CSMD1: variants seen among roughly 807,000 people sequenced by gnomAD.
CSMD1 encodes the protein CUB and sushi domain-containing protein 1.
In CSMD1, 213 loss-of-function variants were observed where a neutral mutation model predicts 417.5. That is an observed-to-expected ratio of 0.51 (90% confidence interval 0.46 to 0.57). The LOEUF (loss-of-function observed/expected upper bound fraction) is 0.57, where lower values mean the gene tolerates loss of function less well. CSMD1 is among the 20% of genes least tolerant of loss of function. The pLI, the probability that CSMD1 is intolerant of heterozygous loss-of-function variation, is 0.00. For missense variants in CSMD1, 6,923 were observed against 4,529.7 expected (o/e 1.53, Z -15.17); for synonymous variants, 2,862 against 1,736.8 (o/e 1.65, Z -16.11).
At chr8:3,566,010 C>T (rs1799689684) in intron 10 of CSMD1, among the ~76,000 whole-genome samples, 1 of 152,148 alleles carries the variant, frequency 6.6e-6, no homozygotes. Context: ...ACCCCATTTC[C>T]TTTGAGAATA....
At chr8:4,966,733 A>G (rs866309443) in intron 1 of CSMD1, among the ~76,000 whole-genome samples, 1 of 152,354 alleles carries the variant, frequency 6.6e-6, no homozygotes, top group Middle Eastern at 3.4e-3. Flanking sequence ...ACTAAAAAGG[A>G]CTATAAAATT....
At chr8:4,519,415 T>G (rs534984405) in intron 2 of CSMD1, among the ~76,000 whole-genome samples, 2 of 151,834 alleles carry the variant, frequency 1.3e-5, no homozygotes, top group African/African-American at 4.8e-5. Flanking sequence ...AATTAATATA[T>G]GTATAAAAAT....
intron 8 of CSMD1, among the ~76,000 whole-genome samples, chr8:3,592,230 C>G (rs1055827999): frequency 1.7e-4 from 26 of 151,680 alleles, no homozygotes; most frequent in Admixed American, 7.2e-4. Context: ...TAGATAGATA[C>G]ATAGATGGAT....
chr8:3,679,831 C>A lies in CSMD1; in HGVS notation c.1009+28583G>T, dbSNP rs1022112412. On this transcript the variant is annotated intron_variant, in intron 7 of 69. Coordinates refer to ENST00000635120, the MANE Select transcript of CSMD1 (RefSeq NM_033225.6). The stretch of plus-strand genomic sequence containing the variant: ...GTAAAAGAAGCGAAATTATAACAAA[C>A]TGTATCTCAGACCACAGTGCAATCA... 1.2e-4 allele frequency among the ~76,000 whole-genome samples: 18 copies of A among 152,156 alleles called. 1 individual carries two copies. The highest frequency in any genetic ancestry group is 1.1e-3 in the Admixed American group (17 of 15,264).
At chr8:3,732,793 G>C (rs1367462775) in intron 6 of CSMD1, among the ~76,000 whole-genome samples, 4 of 152,160 alleles carry the variant, frequency 2.6e-5, no homozygotes, top group Non-Finnish European at 4.4e-5. Flanking sequence ...CCCACTGAGT[G>C]ATTCCGTTTC....
At chr8:3,149,304 T>C (rs1487519782) in intron 40 of CSMD1, among the ~76,000 whole-genome samples, 1 of 152,254 alleles carries the variant, frequency 6.6e-6, no homozygotes, top group African/African-American at 2.4e-5. Flanking sequence ...AATTTTATTT[T>C]ATTCATAAAT....
At chr8:3,239,522 C>G (rs573787954) in intron 26 of CSMD1, among the ~76,000 whole-genome samples, 3 of 152,162 alleles carry the variant, frequency 2.0e-5, no homozygotes, top group African/African-American at 7.2e-5. Context: ...AGCTAATTTG[C>G]CAGTCTTGGG....
chr8:4,252,845 C>G (rs1326648585), intron 3 of CSMD1, among the ~76,000 whole-genome samples: 1 of 152,212 alleles, frequency 6.6e-6, no homozygotes, highest in African/African-American at 2.4e-5. Flanking sequence ...GGAGTTGCAG[C>G]AGCCTTCTTG....
intron 54 of CSMD1, among the ~76,000 whole-genome samples, chr8:2,995,386 T>G (rs555845893): frequency 6.6e-6 from 1 of 152,148 alleles, no homozygotes; most frequent in South Asian, 2.1e-4. Context: ...TAAGACAGAG[T>G]GACCGCACCG....
intron 3 of CSMD1, among the ~76,000 whole-genome samples, chr8:4,065,662 C>T (rs980020061): frequency 2.6e-5 from 4 of 152,166 alleles, no homozygotes; most frequent in Non-Finnish European, 5.9e-5. Context: ...TTAGCCATGA[C>T]ACTACCAACT....
intron 6 of CSMD1, among the ~76,000 whole-genome samples, chr8:3,742,145 C>A (rs1467338525): frequency 6.6e-6 from 1 of 152,118 alleles, no homozygotes; most frequent in East Asian, 1.9e-4. Context: ...CACCTAGTCA[C>A]TTCTATCGCC....
intron 3 of CSMD1, among the ~76,000 whole-genome samples, chr8:4,255,064 T>C (rs1803359836): frequency 6.6e-6 from 1 of 152,200 alleles, no homozygotes; most frequent in African/African-American, 2.4e-5. Context: ...TTCTCAGCCT[T>C]TTTTATTATT....
chr8:3,723,879 T>C (rs1351825784), intron 6 of CSMD1, among the ~76,000 whole-genome samples: 1 of 152,246 alleles, frequency 6.6e-6, no homozygotes, highest in East Asian at 1.9e-4. Flanking sequence ...CACGTTTTAC[T>C]ATAATAAAGT....
At chr8:3,100,534 AAAC>A (rs1442586167) in intron 46 of CSMD1, among the ~76,000 whole-genome samples, 1 of 152,188 alleles carries the variant, frequency 6.6e-6, no homozygotes, top group African/African-American at 2.4e-5. Flanking sequence ...ACACATTAGA[AAAC>A]AACTGTGTCT....
chr8:4,370,168 C>T (rs761568820), intron 3 of CSMD1, among the ~76,000 whole-genome samples: 1 of 151,974 alleles, frequency 6.6e-6, no homozygotes, highest in African/African-American at 2.4e-5. Flanking sequence ...CTTTGGCTTT[C>T]CTGAAAAGAA....
In CSMD1 at chr8:4,662,398, A is replaced by T. The variant is rs149776251; in HGVS notation, c.86-24840T>A. Among the ~76,000 whole-genome samples the T allele has an allele frequency of 2.3e-3, 350 of 152,312 alleles. 1 individual carries two copies. The highest frequency in any genetic ancestry group is 8.3e-3 in the African/African-American group (346 of 41,564). On this transcript the variant is annotated intron_variant, in intron 1 of 69. Transcript: ENST00000635120. ...GAAATTGCTGAGGAAAAGGCATTAGATTCTACAAAAAGACCACATTGACAC... is the reference window on the plus strand; with the variant it reads ...GAAATTGCTGAGGAAAAGGCATTAGTTTCTACAAAAAGACCACATTGACAC...
intron 15 of CSMD1, 149 bp downstream of exon 15, chr8:3,405,878 G>C: frequency 1.5e-6 from 1 of 660,032 alleles, no homozygotes. Flanking sequence ...AGAACTGGGA[G>C]ACTGTACACT....
intron 33 of CSMD1, among the ~76,000 whole-genome samples, chr8:3,192,007 T>C (rs897394143): frequency 6.6e-6 from 1 of 152,200 alleles, no homozygotes; most frequent in African/African-American, 2.4e-5. Flanking sequence ...TTTTATTTAT[T>C]TATTTTCTGT....
rs574951576 is a variant in CSMD1 at position 3,652,085 on chromosome 8, A to G, written c.1010-35288T>C. ...ACTTACCCCCATCAGAGCGCTTACC[A>G]CCATCAGAGCACCTACCACCATCAG... On this transcript the variant is annotated intron_variant, in intron 7 of 69. Coordinates refer to ENST00000635120, the MANE Select transcript of CSMD1 (RefSeq NM_033225.6). Among the ~76,000 whole-genome samples, 13 of 149,334 alleles carry G rather than the reference A, an allele frequency of 8.7e-5. No homozygotes were observed. In the East Asian group the frequency reaches 2.6e-3, roughly 30 times the overall value.
Sources: gnomAD v4.1 joint callset for allele counts (sites outside exome capture counted in the v4.1 genomes callset) on GRCh38, gnomAD v4.1.1 for gene constraint, MANE v1.5 for transcripts, NCBI Gene and HGNC (gene_info 2026-07-23, HGNC 2026-07-21) for gene names.